The following ZBTB7C variants were observed in gnomAD, a reference collection of about 807,000 sequenced individuals.
ZBTB7C encodes zinc finger and BTB domain containing 7C.
ZBTB7C carries 8 observed loss-of-function variants against 25.7 expected under a neutral mutation model. The observed-to-expected ratio is 0.31, with a 90% CI of 0.18 to 0.56. The LOEUF (loss-of-function observed/expected upper bound fraction) is 0.56. Ranked by LOEUF, ZBTB7C falls within the 20% of genes least tolerant of loss-of-function variation. The pLI, the probability that ZBTB7C is intolerant of heterozygous loss-of-function variation, is 0.91. For missense variants in ZBTB7C, 824 were observed against 855.2 expected (o/e 0.96, Z 0.46); for synonymous variants, 394 against 369.0 (o/e 1.07, Z -0.78).
At chr18:48,196,866 G>T (rs1465935766) in intron 2 of ZBTB7C, among the ~76,000 whole-genome samples, 5 of 152,196 alleles carry the variant, frequency 3.3e-5, no homozygotes, top group Admixed American at 3.3e-4. Context: ...GAACATATCT[G>T]TAGTGAATAT....
chr18:48,121,106 C>T (rs1462653067), intron 3 of ZBTB7C, among the ~76,000 whole-genome samples: 1 of 152,232 alleles, frequency 6.6e-6, no homozygotes, highest in Admixed American at 6.5e-5. Flanking sequence ...TGCCCATGAG[C>T]ACTGTTCTTC....
chr18:48,242,350 G>A (rs997664422), intron 2 of ZBTB7C, among the ~76,000 whole-genome samples: 1 of 152,122 alleles, frequency 6.6e-6, no homozygotes, highest in African/African-American at 2.4e-5. Flanking sequence ...ATCCTATGAA[G>A]CCAGTATCAC....
chr18:48,269,544 CCT>C (rs2044412350), intron 2 of ZBTB7C, among the ~76,000 whole-genome samples: 1 of 152,114 alleles, frequency 6.6e-6, no homozygotes, highest in Non-Finnish European at 1.5e-5. Context: ...AGAAAAAGCC[CCT>C]GTTTAGAAGG....
chr18:48,057,424 T>C (rs1432346976), intron 3 of ZBTB7C, among the ~76,000 whole-genome samples: 1 of 152,188 alleles, frequency 6.6e-6, no homozygotes, highest in African/African-American at 2.4e-5. Context: ...TGTATATTGA[T>C]ACATAGAGAA....
rs140913651 is a variant in ZBTB7C at position 48,394,822 on chromosome 18, A to G, written c.-304+14404T>C. Among the ~76,000 whole-genome samples the G allele has an allele frequency of 2.9e-3, 447 of 152,358 alleles. 1 individual carries two copies. Among genetic ancestry groups the G allele is most frequent in the Non-Finnish European group, 4.5e-3 (306 of 68,036 alleles). On this transcript the variant is annotated intron_variant, in intron 1 of 4. Transcript: ENST00000590800. ...TTGAAATTATGAACCCATAATATGC[A>G]AATGCACGGGGCTAAGAAATGCAAA...
chr18:48,188,292 T>TG (rs1336756530), intron 2 of ZBTB7C, among the ~76,000 whole-genome samples: 2 of 152,190 alleles, frequency 1.3e-5, no homozygotes, highest in Non-Finnish European at 2.9e-5. Flanking sequence ...TCTGCATGGC[T>TG]GGGGAGGCTT....
intron 3 of ZBTB7C, among the ~76,000 whole-genome samples, chr18:48,120,898 A>C (rs939050565): frequency 1.3e-5 from 2 of 152,242 alleles, no homozygotes; most frequent in African/African-American, 4.8e-5. Context: ...GCACACTTAC[A>C]TCCCTGGAAC....
intron 2 of ZBTB7C, among the ~76,000 whole-genome samples, chr18:48,271,397 C>T (rs1196898053): frequency 6.6e-6 from 1 of 151,658 alleles, no homozygotes; most frequent in Non-Finnish European, 1.5e-5. Flanking sequence ...TGATCAACTA[C>T]AATTTGTCAC....
At chr18:48,085,471 C>G (rs72920017) in intron 3 of ZBTB7C, among the ~76,000 whole-genome samples, 158 of 152,250 alleles carry the variant, frequency 1.0e-3, no homozygotes, top group Non-Finnish European at 1.9e-3. Flanking sequence ...AAAGGCAGCC[C>G]TAGACCAGGG....
At chr18:48,036,758 T>C (rs1250088034) in intron 4 of ZBTB7C, among the ~76,000 whole-genome samples, 1 of 152,078 alleles carries the variant, frequency 6.6e-6, no homozygotes, top group African/African-American at 2.4e-5. Flanking sequence ...CTGCTCTAAG[T>C]GGCTGCTGAA....
intron 3 of ZBTB7C, among the ~76,000 whole-genome samples, chr18:48,073,116 C>T (rs1218149108): frequency 6.6e-6 from 1 of 152,176 alleles, no homozygotes; most frequent in Non-Finnish European, 1.5e-5. Flanking sequence ...TCAGAACTGG[C>T]CAGAGTGGAG....
chr18:48,059,980 T>A (rs1339443140), intron 3 of ZBTB7C, among the ~76,000 whole-genome samples: 3 of 152,094 alleles, frequency 2.0e-5, no homozygotes, highest in Admixed American at 2.0e-4. Context: ...GGCTTATTTC[T>A]CAAGACTAAT....
intron 2 of ZBTB7C, among the ~76,000 whole-genome samples, chr18:48,195,445 T>C (rs1309009562): frequency 3.9e-5 from 6 of 152,226 alleles, no homozygotes; most frequent in Non-Finnish European, 7.3e-5. Flanking sequence ...CCCCTGCACA[T>C]GTTCTCTTGC....
chr18:48,398,523 C>T (rs935961864), intron 1 of ZBTB7C, among the ~76,000 whole-genome samples: 12 of 152,174 alleles, frequency 7.9e-5, no homozygotes, highest in African/African-American at 2.9e-4. Flanking sequence ...CTGCACCTCA[C>T]CCCAAGTCAA....
chr18:48,216,127 G>A (rs2042817926), intron 2 of ZBTB7C, among the ~76,000 whole-genome samples: 1 of 152,220 alleles, frequency 6.6e-6, no homozygotes, highest in African/African-American at 2.4e-5. Context: ...GCTGAGAGGA[G>A]GAGTCCATTC....
intron 3 of ZBTB7C, among the ~76,000 whole-genome samples, chr18:48,054,395 G>C (rs976655020): frequency 4.6e-5 from 7 of 152,206 alleles, no homozygotes; most frequent in African/African-American, 1.7e-4. Flanking sequence ...ATCTGGCCGG[G>C]GAGGAGCTGC....
At position 48,030,315 on chromosome 18, in the gene ZBTB7C, TC is replaced by T. The variant is rs111978660; in HGVS notation, c.1209-405del. Among the ~76,000 whole-genome samples, 159 of 152,206 alleles carry T rather than the reference TC, an allele frequency of 1.0e-3. 1 individual carries two copies. The highest frequency in any genetic ancestry group is 3.8e-3 in the African/African-American group (156 of 41,518). On this transcript the variant is annotated intron_variant, in intron 4 of 4. Coordinates refer to ENST00000590800, the MANE Select transcript of ZBTB7C (RefSeq NM_001318841.2). ...GACTGCACTTTAATCTCATACCCACTCTCTCCAGGCAACCTTATGCTTTCCC... is the reference window on the plus strand; with the variant it reads ...GACTGCACTTTAATCTCATACCCACTTCTCCAGGCAACCTTATGCTTTCCC...
chr18:48,242,405 A>G (rs371014186), intron 2 of ZBTB7C, among the ~76,000 whole-genome samples: 7 of 152,220 alleles, frequency 4.6e-5, no homozygotes, highest in African/African-American at 1.7e-4. Context: ...AAAGAAAACT[A>G]CAGAACAATA....
chr18:48,090,511 C>T (rs1303483962), intron 3 of ZBTB7C, among the ~76,000 whole-genome samples: 1 of 152,214 alleles, frequency 6.6e-6, no homozygotes, highest in South Asian at 2.1e-4. Context: ...AGCTACTTCT[C>T]CCTGCTGTGG....
Sources: gnomAD v4.1 joint callset for allele counts (sites outside exome capture counted in the v4.1 genomes callset) on GRCh38, gnomAD v4.1.1 for gene constraint, MANE v1.5 for transcripts, NCBI Gene and HGNC (gene_info 2026-07-23, HGNC 2026-07-21) for gene names.